The following ABLIM3 variants were observed in gnomAD, a reference collection of about 807,000 sequenced individuals.
The protein encoded by ABLIM3 is actin-binding LIM protein 3.
ABLIM3 carries 61 observed loss-of-function variants against 109.5 expected under a neutral mutation model. The observed-to-expected ratio is 0.56, with a 90% CI of 0.45 to 0.69. The LOEUF (loss-of-function observed/expected upper bound fraction) is 0.69. Ranked by LOEUF, ABLIM3 falls within the 30% of genes least tolerant of loss-of-function variation. The pLI, the probability that ABLIM3 is intolerant of heterozygous loss-of-function variation, is 0.00. For synonymous variants in ABLIM3, 300 were observed against 324.8 expected, an observed-to-expected ratio of 0.92 and a Z score of 0.82; for missense variants, 796 against 889.5, an observed-to-expected ratio of 0.89 and a Z score of 1.34.
intron 5 of ABLIM3, among the ~76,000 whole-genome samples, chr5:149,206,486 C>T (rs1378225424): frequency 6.6e-6 from 1 of 152,200 alleles, no homozygotes; most frequent in Non-Finnish European, 1.5e-5. Flanking sequence ...GGTTTAACCA[C>T]AAAATATAAA....
rs58844908 is a variant in ABLIM3, at chr5:149,225,982, G to GTATATATA, written c.758-4629_758-4622dup. On this transcript the variant is annotated intron_variant, in intron 8 of 23. Coordinates refer to ENST00000309868, the MANE Select transcript of ABLIM3 (RefSeq NM_014945.5). ...TATGTGTGTGTGTGTGTGTGTGTGTGTATATATATATATATATATATATAT... is the reference window on the plus strand; with the variant it reads ...TATGTGTGTGTGTGTGTGTGTGTGTGTATATATATATATATATATATATATATATATAT... Among the ~76,000 whole-genome samples, 121 of 45,478 alleles carry GTATATATA rather than the reference G, an allele frequency of 2.7e-3. 2 individuals carry two copies. The highest frequency in any genetic ancestry group is 0.01 in the Admixed American group (32 of 3,112). The allele number at this position is 45,478 out of a possible 152,430, so 29.8% of individuals were successfully genotyped here. A position where few individuals can be genotyped will look rare whatever the true frequency, so the allele number is the denominator to read the frequency against.
intron 2 of ABLIM3, among the ~76,000 whole-genome samples, chr5:149,182,844 G>A (rs898224413): frequency 1.4e-4 from 22 of 152,124 alleles, no homozygotes; most frequent in Admixed American, 1.1e-3. Context: ...TATGGAAAGT[G>A]CTGTTCAAAG....
At chr5:149,222,184 C>T (rs1036587164) in intron 8 of ABLIM3, among the ~76,000 whole-genome samples, 19 of 150,932 alleles carry the variant, frequency 1.3e-4, no homozygotes, top group African/African-American at 4.1e-4. Flanking sequence ...TGTTGGTATA[C>T]TTTGAGCATT....
At chr5:149,168,673 T>A (rs569964508) in intron 2 of ABLIM3, among the ~76,000 whole-genome samples, 2 of 152,344 alleles carry the variant, frequency 1.3e-5, no homozygotes, top group Non-Finnish European at 2.9e-5. Flanking sequence ...GCCAGTTGAC[T>A]TTTTTAAACA....
At chr5:149,155,265 C>T (rs1392966100) in intron 2 of ABLIM3, among the ~76,000 whole-genome samples, 1 of 152,118 alleles carries the variant, frequency 6.6e-6, no homozygotes, top group South Asian at 2.1e-4. Flanking sequence ...CTGATCTTCC[C>T]GTTGGATGCC....
chr5:149,188,771 A>G (rs151070182), intron 3 of ABLIM3, among the ~76,000 whole-genome samples: 31 of 152,324 alleles, frequency 2.0e-4, no homozygotes, highest in African/African-American at 7.2e-4. Flanking sequence ...GGGCTTCAAC[A>G]TATGAATTGG....
chr5:149,248,300 C>T (rs1314124377), intron 18 of ABLIM3, among the ~76,000 whole-genome samples: 2 of 152,144 alleles, frequency 1.3e-5, no homozygotes, highest in African/African-American at 4.8e-5. Context: ...TGGAAAGGCG[C>T]TCTATGGGGC....
intron 23 of ABLIM3, among the ~76,000 whole-genome samples, chr5:149,256,268 A>G (rs1243778736): frequency 2.0e-5 from 3 of 152,238 alleles, no homozygotes; most frequent in African/African-American, 7.2e-5. Flanking sequence ...AACATGATAG[A>G]GAAACTCAAC....
chr5:149,214,031 G>A (rs1161423010), intron 7 of ABLIM3, among the ~76,000 whole-genome samples: 1 of 152,148 alleles, frequency 6.6e-6, no homozygotes, highest in Admixed American at 6.5e-5. Context: ...GAGGTAGCAT[G>A]ATGTCAGGAA....
At chr5:149,215,028 C>T (rs935999363) in intron 7 of ABLIM3, among the ~76,000 whole-genome samples, 4 of 152,190 alleles carry the variant, frequency 2.6e-5, no homozygotes, top group Admixed American at 6.5e-5. Flanking sequence ...GGCTGCCCTA[C>T]CTCCCTTTGC....
chr5:149,162,060 A>T (rs1754425275), intron 2 of ABLIM3, among the ~76,000 whole-genome samples: 1 of 152,128 alleles, frequency 6.6e-6, no homozygotes, highest in Non-Finnish European at 1.5e-5. Context: ...GCCTCACCTG[A>T]TTCGTGGTTG....
At chr5:149,210,521 G>A (rs1019338881) in intron 6 of ABLIM3, among the ~76,000 whole-genome samples, 3 of 152,216 alleles carry the variant, frequency 2.0e-5, no homozygotes, top group Non-Finnish European at 4.4e-5. Flanking sequence ...GAGCACACAG[G>A]AGGTGGTCCC....
At chr5:149,168,939 G>C (rs1454155400) in intron 2 of ABLIM3, among the ~76,000 whole-genome samples, 1 of 152,104 alleles carries the variant, frequency 6.6e-6, no homozygotes, top group Non-Finnish European at 1.5e-5. Context: ...GTCTGGGGTG[G>C]GGCCCAGGAA....
At chr5:149,191,298 C>A (rs551258504) in intron 3 of ABLIM3, among the ~76,000 whole-genome samples, 2 of 152,170 alleles carry the variant, frequency 1.3e-5, no homozygotes, top group East Asian at 1.9e-4. Context: ...ATATTATAAA[C>A]AATTTGAGTA....
chr5:149,231,776 T>C (rs1309713894), intron 9 of ABLIM3, among the ~76,000 whole-genome samples: 1 of 152,206 alleles, frequency 6.6e-6, no homozygotes, highest in Non-Finnish European at 1.5e-5. Flanking sequence ...CCTGTTGCCA[T>C]ATCTGTGCAC....
At chr5:149,240,369 A>G (rs1221007362) in intron 13 of ABLIM3, 4 of 453,268 alleles carry the variant, frequency 8.8e-6, no homozygotes, top group Non-Finnish European at 1.6e-5. Context: ...GGGGAGGTTC[A>G]AGGATGGTTG....
chr5:149,207,226 C>A, intron 6 of ABLIM3, 92 bp downstream of exon 6: 1 of 1,506,746 alleles, frequency 6.6e-7, no homozygotes, highest in Non-Finnish European at 9.0e-7. Flanking sequence ...CCAGCATCAT[C>A]TCCCTTCCTT....
At chr5:149,183,122 T>C (rs1268226197) in intron 2 of ABLIM3, among the ~76,000 whole-genome samples, 1 of 152,212 alleles carries the variant, frequency 6.6e-6, no homozygotes, top group Non-Finnish European at 1.5e-5. Flanking sequence ...AATTTAAAGC[T>C]TACTCAAAAG....
chr5:149,240,452 T>C (rs546184157), intron 13 of ABLIM3: 1 of 580,628 alleles, frequency 1.7e-6, no homozygotes, highest in African/African-American at 1.9e-5. Flanking sequence ...TCACAAAATC[T>C]GACTTTGGGA....
Sources: allele counts gnomAD v4.1 joint callset (sites outside exome capture counted in the v4.1 genomes callset), GRCh38; gene constraint gnomAD v4.1.1; transcripts MANE v1.5; gene names NCBI Gene and HGNC (gene_info 2026-07-23, HGNC 2026-07-21).